Variants in TBRG1 observed in about 807,000 individuals in gnomAD.
TBRG1 encodes the protein nuclear interactor of ARF and MDM2.
Under a neutral mutation model 44.0 loss-of-function variants are expected in TBRG1, and 31 were observed. The observed-to-expected ratio is 0.70, with a 90% CI of 0.53 to 0.95. TBRG1 has a LOEUF of 0.95. Ranked by LOEUF, TBRG1 falls within the 40% of genes least tolerant of loss-of-function variation. The pLI is 0.00. For missense variants in TBRG1, 487 were observed against 496.1 expected (o/e 0.98, Z 0.18); for synonymous variants, 171 against 188.1 (o/e 0.91, Z 0.74).
Position 124,623,135 on chromosome 11 carries a change from A to G in TBRG1, c.52A>G (p.Ser18Gly). Residue 18 changes from serine to glycine, a missense_variant, in exon 1 of 9, where the codon AGC (serine) becomes GGC (glycine). Transcript: ENST00000441174. Reference protein sequence around the residue: ...ASSPRAPLQSSKARMKKLPKK... With the variant: ...ASSPRAPLQSGKARMKKLPKK... ...CTCGCCGCGGGCTCCGCTGCAGTCC[A>G]GCAAGGCCAGGATGAAAAAGCTCCC... 1 of 1,551,504 alleles carries G rather than the reference A, an allele frequency of 6.4e-7. No individual in the cohort carries two copies. The highest frequency in any genetic ancestry group is 1.7e-4 in the Middle Eastern group (1 of 5,992).
At chr11:124,626,118 G>T (rs964045783) in intron 3 of TBRG1, among the ~76,000 whole-genome samples, 2 of 152,164 alleles carry the variant, frequency 1.3e-5, no homozygotes, top group East Asian at 3.8e-4. Context: ...AATGCAAGGG[G>T]AGCAGACTGA....
chr11:124,632,159 C>T lies in TBRG1; in HGVS notation c.1157C>T (p.Thr386Ile), dbSNP rs758296697. ...FVSSYQPMYL[T>I]HEPLVDTHLQ... is the part of the protein sequence containing the mutation. ...TCTTCTTACCAGCCCATGTACCTGACACATGAACCCTTGGTAGATACTCAC... is the reference window on the plus strand; with the variant it reads ...TCTTCTTACCAGCCCATGTACCTGATACATGAACCCTTGGTAGATACTCAC... The change falls in exon 9 of 9, where the codon ACA becomes ATA. Residue 386 changes from threonine (T) to isoleucine (I), a missense_variant. Physicochemically the swap from Thr to Ile is moderately conservative, Grantham distance 89. Transcript: ENST00000441174. 1.9e-6 allele frequency: 3 copies of T among 1,613,404 alleles called. No individual in the cohort carries two copies. In the Admixed American group the frequency reaches 5.0e-5, roughly 27 times the overall value.
At chr11:124,628,106 T>TAC (rs1565400510) in intron 5 of TBRG1, among the ~76,000 whole-genome samples, 3 of 51,644 alleles carry the variant, frequency 5.8e-5, no homozygotes, top group African/African-American at 3.2e-4. Context: ...TATATATATA[T>TAC]ATATATATAT....
At chr11:124,625,355 C>G (rs549729832) in intron 2 of TBRG1, among the ~76,000 whole-genome samples, 8 of 152,190 alleles carry the variant, frequency 5.3e-5, no homozygotes, top group African/African-American at 1.9e-4. Flanking sequence ...TTATTCTGTA[C>G]GTACTATTCT....
At position 124,630,813 on chromosome 11, in the gene TBRG1, A is replaced by G; in HGVS notation, c.905A>G (p.His302Arg). The change falls in exon 7 of 9, where the codon CAC becomes CGC. Residue 302 changes from histidine (H) to arginine (R), a missense_variant. By Grantham distance (29) the His-to-Arg change is conservative. Coordinates refer to ENST00000441174, the MANE Select transcript of TBRG1 (RefSeq NM_032811.3). Reference sequence around the variant, plus strand: ...TTTGGATTTTCTCATCCAGCCATCCACAACCTGATCCAGAGCTGTCCAGGA... The same window carrying G: ...TTTGGATTTTCTCATCCAGCCATCCGCAACCTGATCCAGAGCTGTCCAGGA... ...DFFGFSHPAI[H>R]NLIQSCPGAR... The G allele has an allele frequency of 6.2e-7, 1 of 1,605,972 alleles. No individual in the cohort carries two copies.
chr11:124,626,680 C>T, intron 4 of TBRG1, 71 bp downstream of exon 4: 2 of 1,521,498 alleles, frequency 1.3e-6, no homozygotes, highest in Non-Finnish European at 1.8e-6. Context: ...CCTTCCCTCC[C>T]TGTTCCCATT....
Position 124,632,205 on chromosome 11 carries a change from A to G in TBRG1, c.1203A>G (p.Pro401=), listed in dbSNP as rs1942631586. 1 of 1,613,912 alleles carries G rather than the reference A, an allele frequency of 6.2e-7. No homozygotes were observed. The change falls in exon 9 of 9, where the codon CCA becomes CCG. Residue 401 remains proline (P), a synonymous_variant. Transcript: ENST00000441174. ...VDTHLQHLKS[P]SQGSPIQSSD The stretch of plus-strand genomic sequence containing the variant: ...CTCACCTGCAGCACTTGAAGTCTCC[A>G]TCACAGGGTAGCCCAATTCAGTCTT...
chr11:124,627,107 A>G (rs1345451746), intron 5 of TBRG1, 57 bp downstream of exon 5: 3 of 1,160,502 alleles, frequency 2.6e-6, no homozygotes, highest in Non-Finnish European at 3.8e-6. Flanking sequence ...GTGCTAGGAT[A>G]TGTATTACCT....
chr11:124,626,951 C>T lies in TBRG1; in HGVS notation c.639C>T (p.Pro213=), dbSNP rs138117855. 261 of 1,603,666 alleles carry T rather than the reference C, an allele frequency of 1.6e-4. No homozygotes were observed. The highest frequency in any genetic ancestry group is 2.4e-4 in the African/African-American group (18 of 74,892). The change falls in exon 5 of 9, where the codon CCC becomes CCT. Residue 213 remains proline, a synonymous_variant. Coordinates refer to ENST00000441174, the MANE Select transcript of TBRG1 (RefSeq NM_032811.3). ...PGFHDESAIY[P]VGYCSTRIYA... ...TTCATGATGAGAGTGCCATCTACCC[C>T]GTGGGCTATTGCAGTACTCGAATAT...
chr11:124,623,573 G>A (rs992899940), intron 1 of TBRG1: 5 of 378,060 alleles, frequency 1.3e-5, no homozygotes, highest in Non-Finnish European at 1.5e-5. Flanking sequence ...TGAGAATTAG[G>A]CATTATTTGT....
At chr11:124,631,979 CT>C (rs1942624126) in intron 8 of TBRG1, 113 bp from the exon 9 acceptor site, 2 of 874,774 alleles carry the variant, frequency 2.3e-6, no homozygotes, top group Admixed American at 2.2e-5. Context: ...CAAAATTGAG[CT>C]GACAAATGCA....
chr11:124,627,620 CA>C (rs1172961624), intron 5 of TBRG1, among the ~76,000 whole-genome samples: 2 of 152,060 alleles, frequency 1.3e-5, no homozygotes, highest in Non-Finnish European at 2.9e-5. Flanking sequence ...GAGGAAGTTA[CA>C]GATCACTAGA....
chr11:124,635,597 T>G lies in TBRG1; in HGVS notation c.*3359T>G, dbSNP rs1942712279. The G allele has an allele frequency of 6.6e-6, 1 of 152,198 alleles. No individual in the cohort carries two copies. The highest frequency in any genetic ancestry group is 1.5e-5 in the Non-Finnish European group (1 of 68,030). The allele number at this position is 152,198 out of a possible 1,614,324, so 9.4% of individuals were successfully genotyped here. ...CCACTAAAAATAAATTTACATATGA[T>G]TTCATTAATATATTCACTATCTAAA... On this transcript the variant is annotated 3_prime_UTR_variant, in exon 9 of 9. Coordinates refer to ENST00000441174, the MANE Select transcript of TBRG1 (RefSeq NM_032811.3).
At position 124,634,384 on chromosome 11, in the gene TBRG1, A is replaced by T. The variant is rs1221959706; in HGVS notation, c.*2146A>T. The T allele has an allele frequency of 6.6e-6, 1 of 152,106 alleles. No homozygotes were observed. Among genetic ancestry groups the T allele is most frequent in the East Asian group, 1.9e-4 (1 of 5,190 alleles). The allele number at this position is 152,106 out of a possible 1,614,324, so 9.4% of individuals were successfully genotyped here. On this transcript the variant is annotated 3_prime_UTR_variant, in exon 9 of 9. Coordinates refer to ENST00000441174, the MANE Select transcript of TBRG1 (RefSeq NM_032811.3). ...AAAAACACTGCCTTAGTATACTTAA[A>T]CTATCTTTTCATCTATCAGATTGTT... is the stretch of plus-strand genomic sequence containing the variant.
At chr11:124,631,951 G>A in intron 8 of TBRG1, 142 bp from the exon 9 acceptor site, 1 of 686,610 alleles carries the variant, frequency 1.5e-6, no homozygotes, top group Admixed American at 2.4e-5. Flanking sequence ...AAAAGTATCT[G>A]TCCTATCTTA....
chr11:124,630,950 C>A, intron 7 of TBRG1, 95 bp downstream of exon 7: 1 of 925,508 alleles, frequency 1.1e-6, no homozygotes, highest in Non-Finnish European at 1.7e-6. Context: ...CTTCTGTGTC[C>A]AAAGCCTGCC....
At chr11:124,630,988 T>C in intron 7 of TBRG1, 133 bp downstream of exon 7, 2 of 724,354 alleles carry the variant, frequency 2.8e-6, no homozygotes, top group Non-Finnish European at 4.7e-6. Flanking sequence ...GGCTCAGTAT[T>C]GGCCCCCTTA....
At chr11:124,628,747 C>T (rs1319455150) in intron 5 of TBRG1, among the ~76,000 whole-genome samples, 3 of 152,068 alleles carry the variant, frequency 2.0e-5, no homozygotes, top group Non-Finnish European at 4.4e-5. Context: ...GGGAGGGCAA[C>T]TTGGCAGTAT....
Position 124,631,383 on chromosome 11 carries a change from C to G in TBRG1, c.1056C>G (p.Ile352Met). 1 of 1,613,944 alleles carries G rather than the reference C, an allele frequency of 6.2e-7. No homozygotes were observed. Among genetic ancestry groups the G allele is most frequent in the Middle Eastern group, 1.6e-4 (1 of 6,062 alleles). ...AMSFEAFQRQIFDEDQNDPLL... is the reference protein window; with the variant it reads ...AMSFEAFQRQMFDEDQNDPLL... ...GCTTTGAAGCCTTTCAGAGACAGAT[C>G]TTTGATGAAGATCAGAATGATCCCC... Residue 352 changes from isoleucine (I) to methionine (M), a missense_variant, in exon 8 of 9, where the codon ATC (isoleucine) becomes ATG (methionine). Ile to Met is a conservative substitution (Grantham distance 10). Coordinates refer to ENST00000441174, the MANE Select transcript of TBRG1 (RefSeq NM_032811.3).
Sources: allele counts gnomAD v4.1 joint callset (sites outside exome capture counted in the v4.1 genomes callset), GRCh38; gene constraint gnomAD v4.1.1; transcripts MANE v1.5; gene names NCBI Gene and HGNC (gene_info 2026-07-23, HGNC 2026-07-21).